The following FIG4 variants were observed in gnomAD, a reference collection of about 807,000 sequenced individuals.
FIG4 encodes the protein polyphosphoinositide phosphatase.
A neutral mutation model predicts 118.6 loss-of-function variants in FIG4; 112 were observed. The ratio of observed to expected loss-of-function variants is 0.94; its 90% CI spans 0.81 to 1.11. The LOEUF is 1.11. Ranked by LOEUF, FIG4 falls within the 50% of genes least tolerant of loss-of-function variation. The probability of loss-of-function intolerance (pLI) is 0.00; values close to 1 mark genes in which losing one functional copy is unlikely to be tolerated. For missense variants in FIG4, 969 were observed against 1,111.7 expected (o/e 0.87, Z 1.83); for synonymous variants, 369 against 381.2 (o/e 0.97, Z 0.37).
At chr6:109,760,509 G>A in intron 11 of FIG4, 126 bp downstream of exon 11, 2 of 889,710 alleles carry the variant, frequency 2.2e-6, no homozygotes, top group South Asian at 1.4e-5. Context: ...CTGTTGAGGG[G>A]CTGTTTTGAG....
chr6:109,762,169 C>G lies in FIG4; in HGVS notation c.1350C>G (p.Arg450=), dbSNP rs763035100. The G allele has an allele frequency of 3.2e-5, 52 of 1,612,638 alleles. No individual in the cohort carries two copies. The highest frequency in any genetic ancestry group is 4.2e-5 in the Non-Finnish European group (50 of 1,178,812). ...VVKKTGFFVN[R]PDSYCSILRP... is the part of the protein sequence containing the mutation. ...AGAAAACAGGTTTCTTTGTAAACCG[C>G]CCTGATTCTTACTGTAGCATTTTGC... Residue 450 remains arginine (R), a synonymous_variant, in exon 12 of 23, where the codon CGC becomes CGG. Coordinates refer to ENST00000230124, the MANE Select transcript of FIG4 (RefSeq NM_014845.6).
At chr6:109,707,289 A>G (rs796327686) in intron 1 of FIG4, among the ~76,000 whole-genome samples, 19 of 145,160 alleles carry the variant, frequency 1.3e-4, no homozygotes, top group African/African-American at 2.6e-4. Context: ...GTATATATAT[A>G]TATGTGTGTG....
At chr6:109,788,639 C>T (rs934101580) in intron 18 of FIG4, among the ~76,000 whole-genome samples, 2 of 152,168 alleles carry the variant, frequency 1.3e-5, no homozygotes, top group Admixed American at 1.3e-4. Flanking sequence ...AGCAGTCTCA[C>T]AAACATGGAA....
At chr6:109,773,753 C>T (rs952917779) in intron 15 of FIG4, among the ~76,000 whole-genome samples, 10 of 152,170 alleles carry the variant, frequency 6.6e-5, no homozygotes, top group Admixed American at 3.3e-4. Flanking sequence ...CTTACTGCAG[C>T]CTTGACTTCC....
chr6:109,764,305 G>A (rs557136226), intron 13 of FIG4, among the ~76,000 whole-genome samples: 48 of 152,164 alleles, frequency 3.2e-4, no homozygotes, highest in African/African-American at 1.1e-3. Context: ...GGGCTTGGTG[G>A]CATGCACCTC....
At position 109,776,905 on chromosome 6, in the gene FIG4, T is replaced by C. The variant is rs369398321; in HGVS notation, c.1751-17T>C. ...CATCAGTAATGGATTTTCTGAAATA[T>C]ATATTTTGCTTTTTAGATGCCGATA... On this transcript the variant is annotated splice_polypyrimidine_tract_variant and intron_variant, in intron 15 of 22. Coordinates refer to ENST00000230124, the MANE Select transcript of FIG4 (RefSeq NM_014845.6). 6.9e-6 allele frequency: 11 copies of C among 1,601,786 alleles called. No homozygotes were observed. Among genetic ancestry groups the C allele is most frequent in the Middle Eastern group, 1.7e-4 (1 of 5,720 alleles).
chr6:109,738,658 A>T (rs2128386202), intron 7 of FIG4, among the ~76,000 whole-genome samples: 1 of 152,316 alleles, frequency 6.6e-6, no homozygotes, highest in Non-Finnish European at 1.5e-5. Flanking sequence ...AAGATGAATA[A>T]ATAACAAGGA....
chr6:109,748,283 A>C (rs1185338799), intron 10 of FIG4, among the ~76,000 whole-genome samples: 4 of 152,124 alleles, frequency 2.6e-5, no homozygotes. Flanking sequence ...GGGTTTATTT[A>C]GTTTTGCCAC....
At position 109,806,469 on chromosome 6, in the gene FIG4, G is replaced by A. The variant is rs138929157; in HGVS notation, c.2546+9618G>A. Among the ~76,000 whole-genome samples, 261 of 151,996 alleles carry A rather than the reference G, an allele frequency of 1.7e-3. 1 individual carries two copies. Among genetic ancestry groups the A allele is most frequent in the African/African-American group, 6.1e-3 (251 of 41,478 alleles). ...AGGATGCCCCATAATGTGCACACAT[G>A]TGTGCACACACGAGTGTGTGTGTGT... On this transcript the variant is annotated intron_variant, in intron 22 of 22. Transcript: ENST00000230124.
chr6:109,735,469 A>G (rs962458838), intron 6 of FIG4, among the ~76,000 whole-genome samples, 171 bp downstream of exon 6: 11 of 152,156 alleles, frequency 7.2e-5, no homozygotes, highest in Non-Finnish European at 1.0e-4. Flanking sequence ...TAGAGATATT[A>G]ATCACCATGT....
rs150614279 is a variant in FIG4 at position 109,693,039 on chromosome 6, G to A, written c.66+1538G>A. ...AAAGCTGATCACTCATGAGGACTGC[G>A]TGAGATATTAGTGTTCAGAAAGCAC... is the stretch of plus-strand genomic sequence containing the variant. On this transcript the variant is annotated intron_variant, in intron 1 of 22. Coordinates refer to ENST00000230124, the MANE Select transcript of FIG4 (RefSeq NM_014845.6). Among the ~76,000 whole-genome samples the A allele has an allele frequency of 3.8e-4, 58 of 152,276 alleles. No individual in the cohort carries two copies. The East Asian group carries it at 0.01, about 26-fold the overall frequency.
intron 10 of FIG4, among the ~76,000 whole-genome samples, chr6:109,752,107 C>T (rs557477018): frequency 6.7e-5 from 10 of 150,052 alleles, no homozygotes; most frequent in Non-Finnish European, 1.0e-4. Flanking sequence ...TTTGTTCTTG[C>T]GATAGTTTAC....
chr6:109,700,038 C>T (rs185261845), intron 1 of FIG4, among the ~76,000 whole-genome samples: 85 of 152,292 alleles, frequency 5.6e-4, no homozygotes, highest in African/African-American at 1.9e-3. Flanking sequence ...CATGAGGGCT[C>T]TGCTCTCAGG....
chr6:109,824,958 T>A (rs1445433596), intron 22 of FIG4, 130 bp from the exon 23 acceptor site: 3 of 833,496 alleles, frequency 3.6e-6, no homozygotes, highest in Non-Finnish European at 6.1e-6. Flanking sequence ...GGGGAGGTCA[T>A]CCCAGCAGCT....
chr6:109,754,808 G>T (rs1014981468), intron 10 of FIG4, among the ~76,000 whole-genome samples: 3 of 152,020 alleles, frequency 2.0e-5, no homozygotes, highest in African/African-American at 7.2e-5. Context: ...GTTTTTTATT[G>T]CATCTATTTG....
intron 22 of FIG4, among the ~76,000 whole-genome samples, chr6:109,818,098 A>C (rs984279589): frequency 6.6e-6 from 1 of 152,168 alleles, no homozygotes; most frequent in East Asian, 1.9e-4. Flanking sequence ...CACCTCAGCT[A>C]TACAGTTGTC....
At chr6:109,811,178 C>G (rs1007498709) in intron 22 of FIG4, among the ~76,000 whole-genome samples, 5 of 152,134 alleles carry the variant, frequency 3.3e-5, no homozygotes, top group South Asian at 2.1e-4. Flanking sequence ...ATATTCGAAT[C>G]ACTGTCAAGT....
At chr6:109,709,426 G>T (rs1299565877) in intron 1 of FIG4, among the ~76,000 whole-genome samples, 2 of 152,108 alleles carry the variant, frequency 1.3e-5, no homozygotes, top group Non-Finnish European at 2.9e-5. Context: ...TATTGCTGAG[G>T]ATTGTGTTGG....
chr6:109,812,615 T>G (rs556862034), intron 22 of FIG4, among the ~76,000 whole-genome samples: 7 of 152,250 alleles, frequency 4.6e-5, no homozygotes, highest in African/African-American at 1.7e-4. Flanking sequence ...AGAAAAATGA[T>G]TATTGGTTTA....
Sources: gnomAD v4.1 joint callset for allele counts (sites outside exome capture counted in the v4.1 genomes callset) on GRCh38, gnomAD v4.1.1 for gene constraint, MANE v1.5 for transcripts, NCBI Gene and HGNC (gene_info 2026-07-23, HGNC 2026-07-21) for gene names.